CA4: variants seen among roughly 807,000 people sequenced by gnomAD.
CA4 encodes the protein CA-IV.
CA4 carries 24 observed loss-of-function variants against 34.5 expected under a neutral mutation model. That is an observed-to-expected ratio of 0.70 (90% CI 0.50 to 0.98). The LOEUF (loss-of-function observed/expected upper bound fraction) is 0.98, where lower values mean the gene tolerates loss of function less well. Among genes scored for constraint, CA4 ranks in the 50% least tolerant of loss-of-function variants. The pLI is 0.00. For synonymous variants in CA4, 178 were observed against 170.6 expected (o/e 1.04, Z -0.34); for missense variants, 394 against 396.7 (o/e 0.99, Z 0.06).
chr17:60,174,959 G>T, downstream of CA4, among the ~76,000 whole-genome samples: 1 of 152,160 alleles, frequency 6.6e-6, no homozygotes, highest in South Asian at 2.1e-4. Context: ...CTGGGAGGCC[G>T]AAGACCTCTC....
downstream of CA4, among the ~76,000 whole-genome samples, chr17:60,175,189 A>ATTTTTTTTTTTTTTTTT (rs555031745): frequency 1.1e-4 from 12 of 107,636 alleles, 1 homozygote; most frequent in African/African-American, 4.5e-4. Flanking sequence ...CACCCAGCTG[A>ATTTTTTTTTTTTTTTTT]TTTTTTTTTT....
chr17:60,175,969 A>C, the CA4 span, among the ~76,000 whole-genome samples: 1 of 151,960 alleles, frequency 6.6e-6, no homozygotes, highest in East Asian at 2.0e-4. Context: ...GGCATGTACC[A>C]CCACGCCCGG....
chr17:60,151,998 G>A (rs2083599364), intron 1 of CA4, among the ~76,000 whole-genome samples: 4 of 152,106 alleles, frequency 2.6e-5, no homozygotes, highest in Admixed American at 2.6e-4. Context: ...CCTCAGAGGG[G>A]GAGGTGGGGT....
intron 2 of CA4, among the ~76,000 whole-genome samples, chr17:60,156,269 C>T (rs1041295998): frequency 1.3e-5 from 2 of 152,226 alleles, no homozygotes; most frequent in Admixed American, 1.3e-4. Flanking sequence ...ATGAAGTTGT[C>T]CCTACCCCGG....
intron 1 of CA4, among the ~76,000 whole-genome samples, chr17:60,150,933 C>CG (rs1403175228): frequency 8.0e-6 from 1 of 125,146 alleles, no homozygotes; most frequent in Non-Finnish European, 1.7e-5. Context: ...CTGGCGGGGG[C>CG]GGGGGGTGGG....
At chr17:60,150,920 AGCCT>A (rs2083580867) in intron 1 of CA4, among the ~76,000 whole-genome samples, 1 of 126,638 alleles carries the variant, frequency 7.9e-6, no homozygotes, top group African/African-American at 3.0e-5. Context: ...CTGAATTGGG[AGCCT>A]GGCGGGGGCG....
At chr17:60,164,914 A>G (rs925768827) in intron 5 of CA4, among the ~76,000 whole-genome samples, 4 of 152,076 alleles carry the variant, frequency 2.6e-5, no homozygotes, top group African/African-American at 9.7e-5. Context: ...ATCCCCCTCC[A>G]TTGCTGACTC....
chr17:60,151,254 T>C (rs1185834168), intron 1 of CA4, among the ~76,000 whole-genome samples: 1 of 151,970 alleles, frequency 6.6e-6, no homozygotes, highest in Non-Finnish European at 1.5e-5. Context: ...CCAAGTTAGG[T>C]GCTCCATCCT....
At chr17:60,167,315 C>G (rs1271976186) in intron 5 of CA4, among the ~76,000 whole-genome samples, 2 of 152,206 alleles carry the variant, frequency 1.3e-5, no homozygotes, top group Non-Finnish European at 2.9e-5. Context: ...CGCTCTCCCC[C>G]ACCACTCCCC....
Position 60,157,746 on chromosome 17 carries a change from G to A in CA4, c.471G>A (p.Gln157=), listed in dbSNP as rs750247906. The part of the protein sequence containing the change: ...KGTSRNVKEA[Q]DPEDEIAVLA... Reference sequence around the variant, plus strand: ...CATCGAGGAATGTGAAAGAGGCCCAGGACCCTGAAGACGAAATTGCGGTGC... The same window carrying A: ...CATCGAGGAATGTGAAAGAGGCCCAAGACCCTGAAGACGAAATTGCGGTGC... Residue 157 remains glutamine (Q), a synonymous_variant, in exon 5 of 8, where the codon CAG becomes CAA. Transcript: ENST00000300900. 5 of 1,614,166 alleles carry A rather than the reference G, an allele frequency of 3.1e-6. No homozygotes were observed. Among genetic ancestry groups the A allele is most frequent in the Middle Eastern group, 1.6e-4 (1 of 6,062 alleles).
intron 5 of CA4, 42 bp from the exon 6 acceptor site, chr17:60,158,019 G>A (rs1224637436): frequency 6.2e-7 from 1 of 1,609,126 alleles, no homozygotes; most frequent in East Asian, 2.2e-5. Context: ...ACCACCACTG[G>A]CTCCCTGCAG....
chr17:60,164,190 TTTTC>T (rs746032042), downstream of CA4, among the ~76,000 whole-genome samples: 1,176 of 139,326 alleles, frequency 8.4e-3, 5 homozygotes, highest in Middle Eastern at 0.014. Context: ...CTCTTTCTCT[TTTTC>T]TTTCTTTCTT....
downstream of CA4, among the ~76,000 whole-genome samples, chr17:60,164,453 G>A (rs1315948667): frequency 4.0e-5 from 6 of 151,520 alleles, no homozygotes; most frequent in African/African-American, 1.5e-4. Context: ...GCAGTGGCAC[G>A]TTTTCGGCTC....
At chr17:60,152,862 G>C (rs1056809200) in intron 1 of CA4, among the ~76,000 whole-genome samples, 1 of 152,188 alleles carries the variant, frequency 6.6e-6, no homozygotes, top group South Asian at 2.1e-4. Context: ...TTTTGGGTGA[G>C]AGCTAGGAAA....
downstream of CA4, among the ~76,000 whole-genome samples, chr17:60,160,176 G>C (rs150477342): frequency 6.6e-3 from 1,001 of 152,256 alleles, 15 homozygotes; most frequent in African/African-American, 0.023. Context: ...CTGAGGCTAG[G>C]GCAGAGCCGA....
downstream of CA4, among the ~76,000 whole-genome samples, chr17:60,173,173 C>A (rs552850424): frequency 1.1e-4 from 16 of 152,256 alleles, no homozygotes; most frequent in Admixed American, 4.6e-4. Flanking sequence ...AACAAAAAAA[C>A]TAAAATAAAT....
rs757505800 is a variant in CA4, at chr17:60,159,243, C to G, written c.758C>G (p.Ser253Cys). Reference sequence around the variant, plus strand: ...TCACTTCCGCAGATCCTGGCATTCTCTCAGAAGCTGTACTACGACAAGGAA... The same window carrying G: ...TCACTTCCGCAGATCCTGGCATTCTGTCAGAAGCTGTACTACGACAAGGAA... ...QLHREQILAF[S>C]QKLYYDKEQT... Residue 253 changes from serine (S) to cysteine (C), a missense_variant, in exon 8 of 8, where the codon TCT becomes TGT. By Grantham distance (112) the Ser-to-Cys change is moderately radical (BLOSUM62 -1). Transcript: ENST00000300900. 1 of 1,603,202 alleles carries G rather than the reference C, an allele frequency of 6.2e-7. No homozygotes were observed.
intron 1 of CA4, among the ~76,000 whole-genome samples, chr17:60,151,680 C>G (rs528907873): frequency 6.6e-6 from 1 of 152,274 alleles, no homozygotes; most frequent in African/African-American, 2.4e-5. Flanking sequence ...TTATGGGGCT[C>G]TCCCCCAAGC....
chr17:60,169,637 C>T (rs1002266942), intron 5 of CA4, among the ~76,000 whole-genome samples: 1 of 152,108 alleles, frequency 6.6e-6, no homozygotes, highest in Non-Finnish European at 1.5e-5. Flanking sequence ...TACGGGCATG[C>T]GCCACCATGC....
Sources: allele counts gnomAD v4.1 joint callset (sites outside exome capture counted in the v4.1 genomes callset), GRCh38; gene constraint gnomAD v4.1.1; transcripts MANE v1.5; gene names NCBI Gene and HGNC (gene_info 2026-07-23, HGNC 2026-07-21).